The following STK32B variants were observed in gnomAD, a reference collection of about 807,000 sequenced individuals.
STK32B encodes serine/threonine kinase 32B.
STK32B carries 43 observed loss-of-function variants against 52.6 expected under a neutral mutation model. That is an observed-to-expected ratio of 0.82 (90% CI 0.64 to 1.05). The LOEUF is 1.05. Ranked by LOEUF, STK32B falls within the 50% of genes least tolerant of loss-of-function variation. STK32B has a pLI of 0.00. For missense variants in STK32B, 621 were observed against 534.6 expected (o/e 1.16, Z -1.59); for synonymous variants, 238 against 204.3 (o/e 1.17, Z -1.41).
chr4:5,388,776 C>T (rs576842241), intron 4 of STK32B, among the ~76,000 whole-genome samples: 7 of 152,342 alleles, frequency 4.6e-5, no homozygotes, highest in South Asian at 2.1e-4. Flanking sequence ...AGGGATGTCA[C>T]GGGGCTCACC....
chr4:5,177,851 T>G (rs1217903166), intron 3 of STK32B, among the ~76,000 whole-genome samples: 2 of 152,182 alleles, frequency 1.3e-5, no homozygotes, highest in Non-Finnish European at 2.9e-5. Context: ...GATGCAAGAG[T>G]TGGGCTCCCC....
chr4:5,093,626 T>C (rs1429060186), intron 1 of STK32B, among the ~76,000 whole-genome samples: 2 of 152,174 alleles, frequency 1.3e-5, no homozygotes, highest in Admixed American at 6.5e-5. Flanking sequence ...GATGAGTTAA[T>C]GGGTGCAACA....
At chr4:5,416,559 A>G (rs1039010044) in intron 5 of STK32B, among the ~76,000 whole-genome samples, 1 of 152,208 alleles carries the variant, frequency 6.6e-6, no homozygotes, top group African/African-American at 2.4e-5. Flanking sequence ...AGTTATTTCT[A>G]GGAGCTTTAA....
intron 1 of STK32B, among the ~76,000 whole-genome samples, chr4:5,087,228 A>T (rs1236907181): frequency 6.6e-6 from 1 of 152,072 alleles, no homozygotes; most frequent in Non-Finnish European, 1.5e-5. Context: ...AGTAGTATTA[A>T]TAGAAACTGG....
chr4:5,354,271 A>G (rs1238820619), intron 4 of STK32B, among the ~76,000 whole-genome samples: 2 of 152,032 alleles, frequency 1.3e-5, no homozygotes, highest in East Asian at 1.9e-4. Context: ...AAATAGATCT[A>G]TGTGTACAAT....
intron 1 of STK32B, among the ~76,000 whole-genome samples, chr4:5,113,643 C>T (rs982750373): frequency 6.6e-6 from 1 of 152,198 alleles, no homozygotes; most frequent in Admixed American, 6.5e-5. Context: ...TACTAAAACC[C>T]TGTAGGGTTC....
At chr4:5,025,525 C>T in the STK32B span, among the ~76,000 whole-genome samples, 1 of 152,192 alleles carries the variant, frequency 6.6e-6, no homozygotes, top group Non-Finnish European at 1.5e-5. Context: ...TACTCCTTTA[C>T]CCTGTTGGTG....
rs1725874957 is a variant in STK32B, at chr4:5,250,809, T to G, written c.261-80411T>G. Among the ~76,000 whole-genome samples, 4 of 152,206 alleles carry G rather than the reference T, an allele frequency of 2.6e-5. No individual in the cohort carries two copies. The South Asian group carries it at 8.3e-4, about 32-fold the overall frequency. ...GTGGTTTTCTTTTGCATTTATTTAG[T>G]GATGAGTGATGTTGAACATTTTTTC... On this transcript the variant is annotated intron_variant, in intron 3 of 11. Transcript: ENST00000282908.
intron 11 of STK32B, among the ~76,000 whole-genome samples, chr4:5,480,852 G>C (rs899024623): frequency 6.6e-6 from 1 of 151,898 alleles, no homozygotes; most frequent in African/African-American, 2.4e-5. Flanking sequence ...TTGTCCTTGC[G>C]ATAGTTTGCT....
intron 3 of STK32B, among the ~76,000 whole-genome samples, chr4:5,191,982 A>C (rs966881430): frequency 9.2e-5 from 14 of 152,178 alleles, no homozygotes; most frequent in Non-Finnish European, 2.1e-4. Context: ...TCCCTGTCCA[A>C]CCAGAGGCTG....
chr4:5,494,936 T>G lies in STK32B; in HGVS notation c.1107-4009T>G, dbSNP rs983246694. 1.8e-4 allele frequency among the ~76,000 whole-genome samples: 28 copies of G among 152,326 alleles called. No individual in the cohort carries two copies. In the Middle Eastern group the frequency reaches 0.014, roughly 74 times the overall value. On this transcript the variant is annotated intron_variant, in intron 11 of 11. Transcript: ENST00000282908. ...TCTTCTGGCTTGTAGAGTTTCTGCCTAGCGATCAGCTGTTAGTCTGATGGG... is the reference window on the plus strand; with the variant it reads ...TCTTCTGGCTTGTAGAGTTTCTGCCGAGCGATCAGCTGTTAGTCTGATGGG...
chr4:5,446,938 C>T (rs896251731), intron 7 of STK32B, 162 bp downstream of exon 7: 11 of 617,476 alleles, frequency 1.8e-5, no homozygotes, highest in African/African-American at 5.5e-5. Context: ...CGCCTATGAA[C>T]GCCCTGAACT....
intron 3 of STK32B, among the ~76,000 whole-genome samples, chr4:5,208,617 C>G (rs922266308): frequency 6.6e-6 from 1 of 152,100 alleles, no homozygotes; most frequent in African/African-American, 2.4e-5. Flanking sequence ...AAAGTATGAG[C>G]TCTGTATGGT....
chr4:5,296,369 G>C (rs1729197962), intron 3 of STK32B, among the ~76,000 whole-genome samples: 2 of 152,154 alleles, frequency 1.3e-5, no homozygotes, highest in African/African-American at 4.8e-5. Flanking sequence ...AGGTGTTAAA[G>C]TCTTCCACTG....
intron 7 of STK32B, 152 bp downstream of exon 7, chr4:5,446,928 C>G: frequency 1.6e-6 from 1 of 634,836 alleles, no homozygotes; most frequent in Non-Finnish European, 2.7e-6. Flanking sequence ...GCCTGTGTGC[C>G]GCCTATGAAC....
chr4:5,116,299 G>A (rs536569582), intron 1 of STK32B, among the ~76,000 whole-genome samples: 5 of 152,204 alleles, frequency 3.3e-5, no homozygotes, highest in South Asian at 2.1e-4. Context: ...GAAGGGCCCC[G>A]TGCTTGGTTT....
rs371801371 is a variant in STK32B at position 5,456,947 on chromosome 4, C to A, written c.783+24C>A. On this transcript the variant is annotated intron_variant, in intron 8 of 11. Coordinates refer to ENST00000282908, the MANE Select transcript of STK32B (RefSeq NM_018401.3). ...AGGTAAGGGGGCAGCTTCCAGCCTG[C>A]CCCGCCAGGGAGCTACGGTGAGTGT... 5.4e-6 allele frequency: 8 copies of A among 1,491,748 alleles called. No individual in the cohort carries two copies. In the African/African-American group the frequency reaches 9.8e-5, roughly 18 times the overall value. The allele number at this position is 1,491,748 out of a possible 1,614,324, so 92.4% of individuals were successfully genotyped here. A position where few individuals can be genotyped will look rare whatever the true frequency, so the allele number is the denominator to read the frequency against.
At chr4:5,187,810 C>G (rs1720864774) in intron 3 of STK32B, among the ~76,000 whole-genome samples, 1 of 152,158 alleles carries the variant, frequency 6.6e-6, no homozygotes, top group African/African-American at 2.4e-5. Context: ...AACACCAAAG[C>G]CTATGCTCTT....
intron 1 of STK32B, among the ~76,000 whole-genome samples, chr4:5,085,736 G>A (rs889906732): frequency 2.0e-5 from 3 of 152,170 alleles, no homozygotes; most frequent in African/African-American, 7.2e-5. Flanking sequence ...AACCCAAGAG[G>A]CACTTATTCA....
Sources: gnomAD v4.1 joint callset for allele counts (sites outside exome capture counted in the v4.1 genomes callset) on GRCh38, gnomAD v4.1.1 for gene constraint, MANE v1.5 for transcripts, NCBI Gene and HGNC (gene_info 2026-07-23, HGNC 2026-07-21) for gene names.